Variants in STK31 observed in about 807,000 individuals in gnomAD.
STK31 encodes the protein serine/threonine-protein kinase 31.
STK31 carries 89 observed loss-of-function variants against 129.7 expected under a neutral mutation model. That is an observed-to-expected ratio of 0.69 (90% confidence interval 0.58 to 0.82). STK31 has a LOEUF of 0.82. STK31 is among the 40% of genes least tolerant of loss of function. The pLI is 0.00. For missense variants in STK31, 1,187 were observed against 1,176.4 expected (o/e 1.01, Z -0.13); for synonymous variants, 448 against 395.3 (o/e 1.13, Z -1.58).
rs955097332 is a variant in STK31, at chr7:23,786,839, C to A, written c.2402C>A (p.Ser801Tyr). ...CACATTCTCTGTTTTGCTTCTTAGTCTGATCCTATGGCTTATCTGATGGTC... is the reference window on the plus strand; with the variant it reads ...CACATTCTCTGTTTTGCTTCTTAGTATGATCCTATGGCTTATCTGATGGTC... ...LPLIFLFLCK[S>Y]DPMAYLMVPY... is the part of the protein sequence containing the mutation. The change falls in exon 20 of 24, where the codon TCT (serine) becomes TAT (tyrosine). Residue 801 changes from serine to tyrosine, a missense_variant and splice_region_variant. Around this residue, in one of 5 missense-constraint regions of STK31, gnomAD observed 975 missense variants for 934.9 expected, o/e 1.04. Coordinates refer to ENST00000355870, the MANE Select transcript of STK31 (RefSeq NM_031414.5). 9 of 1,612,680 alleles carry A rather than the reference C, an allele frequency of 5.6e-6. No individual in the cohort carries two copies. Among genetic ancestry groups the A allele is most frequent in the Non-Finnish European group, 7.6e-6 (9 of 1,179,592 alleles).
At position 23,717,577 on chromosome 7, in the gene STK31, A is replaced by G. The variant is rs1786427610; in HGVS notation, c.247A>G (p.Lys83Glu). The change falls in exon 4 of 24, where the codon AAG (lysine) becomes GAG (glutamate). Residue 83 changes from lysine (K) to glutamate (E), a missense_variant and splice_region_variant. This residue lies in a region of STK31 where 104 missense variants were observed against 98.3 expected (regional missense o/e 1.06). Coordinates refer to ENST00000355870, the MANE Select transcript of STK31 (RefSeq NM_031414.5). Reference protein sequence around the residue: ...SSVLGNLDPNKIYGGLFSEDQ... With the variant: ...SSVLGNLDPNEIYGGLFSEDQ... ...AGTTTTGGGGAATCTTGACCCAAACAAGGTGAGCCATATTCTTGAATATAA... is the reference window on the plus strand; with the variant it reads ...AGTTTTGGGGAATCTTGACCCAAACGAGGTGAGCCATATTCTTGAATATAA... 6.2e-7 allele frequency: 1 copy of G among 1,607,090 alleles called. No homozygotes were observed. Among genetic ancestry groups the G allele is most frequent in the East Asian group, 2.2e-5 (1 of 44,714 alleles).
chr7:23,713,193 C>G (rs942187131), intron 3 of STK31, among the ~76,000 whole-genome samples: 4 of 152,096 alleles, frequency 2.6e-5, no homozygotes, highest in Non-Finnish European at 5.9e-5. Flanking sequence ...ATGTGGTGTA[C>G]CTGTACCTCA....
chr7:23,766,076 TTTCTC>T (rs1490989757), intron 11 of STK31, among the ~76,000 whole-genome samples: 1 of 152,238 alleles, frequency 6.6e-6, no homozygotes, highest in African/African-American at 2.4e-5. Flanking sequence ...ATTGGAATAT[TTTCTC>T]TAAGAGTGCT....
chr7:23,790,757 A>G (rs1321761040), intron 21 of STK31, 67 bp from the exon 22 acceptor site: 7 of 1,355,558 alleles, frequency 5.2e-6, no homozygotes, highest in Non-Finnish European at 5.8e-6. Flanking sequence ...GATTAAATGC[A>G]GAGTACTTCA....
intron 23 of STK31, among the ~76,000 whole-genome samples, chr7:23,830,827 C>T (rs1327970025): frequency 6.6e-6 from 1 of 152,094 alleles, no homozygotes; most frequent in African/African-American, 2.4e-5. Flanking sequence ...ACCATGTCAG[C>T]CAGGCTGGTC....
At chr7:23,776,040 T>C (rs1413284856) in intron 15 of STK31, among the ~76,000 whole-genome samples, 1 of 90,810 alleles carries the variant, frequency 1.1e-5, no homozygotes. Flanking sequence ...TAGCAAGAAG[T>C]GTGTCAAATT....
chr7:23,753,553 A>C (rs1181451662), intron 9 of STK31, among the ~76,000 whole-genome samples: 1 of 152,264 alleles, frequency 6.6e-6, no homozygotes, highest in Non-Finnish European at 1.5e-5. Flanking sequence ...TGAAGTATGC[A>C]AGAATCATAC....
chr7:23,723,203 C>G (rs1786832945), intron 4 of STK31, among the ~76,000 whole-genome samples: 1 of 152,162 alleles, frequency 6.6e-6, no homozygotes, highest in African/African-American at 2.4e-5. Flanking sequence ...CTTGGAACCT[C>G]TCTCTCCTCT....
chr7:23,815,223 T>G lies in STK31; in HGVS notation c.2829+11T>G. The stretch of plus-strand genomic sequence containing the variant: ...GATCAGTTTCATCTGGTATGTGACC[T>G]TTTTGACATTTACTGGTTTGAAACA... On this transcript the variant is annotated intron_variant, in intron 23 of 23. Transcript: ENST00000355870. 2.1e-6 allele frequency: 3 copies of G among 1,455,790 alleles called. No individual in the cohort carries two copies. The highest frequency in any genetic ancestry group is 2.6e-5 in the South Asian group (2 of 76,386). 90.2% of individuals were successfully genotyped at this position (1,455,790 alleles called of 1,614,324 possible).
intron 5 of STK31, among the ~76,000 whole-genome samples, chr7:23,728,739 A>G (rs1041765572): frequency 1.1e-4 from 17 of 152,162 alleles, no homozygotes; most frequent in African/African-American, 4.1e-4. Context: ...TTGAAATTGA[A>G]TTGAATGTTG....
At chr7:23,769,839 G>T in intron 13 of STK31, 83 bp downstream of exon 13, 1 of 865,770 alleles carries the variant, frequency 1.2e-6, no homozygotes, top group South Asian at 1.9e-5. Context: ...ACCAATAATA[G>T]AGTTTTTCTT....
chr7:23,798,193 CT>C (rs1792120149), intron 22 of STK31, among the ~76,000 whole-genome samples: 1 of 152,194 alleles, frequency 6.6e-6, no homozygotes, highest in African/African-American at 2.4e-5. Context: ...TAGTACCATT[CT>C]TTCTGAAACT....
At chr7:23,750,067 T>TCCCTCC (rs1491409499) in intron 8 of STK31, among the ~76,000 whole-genome samples, 1 of 90,556 alleles carries the variant, frequency 1.1e-5, no homozygotes, top group Non-Finnish European at 2.3e-5. Context: ...ATGGTTTGTT[T>TCCCTCC]CCCCCCCCGC....
chr7:23,825,272 C>T (rs1035294606), intron 23 of STK31, among the ~76,000 whole-genome samples: 26 of 152,174 alleles, frequency 1.7e-4, no homozygotes, highest in Admixed American at 1.5e-3. Context: ...GCCTCAATTT[C>T]AGAGCCTGTT....
At chr7:23,715,350 GC>G (rs1403557113) in intron 3 of STK31, among the ~76,000 whole-genome samples, 1 of 151,922 alleles carries the variant, frequency 6.6e-6, no homozygotes, top group Non-Finnish European at 1.5e-5. Context: ...AGGCATGGTG[GC>G]TCATGCCTGT....
At chr7:23,801,670 G>C (rs1042940859) in intron 22 of STK31, among the ~76,000 whole-genome samples, 19 of 152,186 alleles carry the variant, frequency 1.2e-4, no homozygotes, top group African/African-American at 3.9e-4. Flanking sequence ...CTCTATAGTT[G>C]TATGGTTTAC....
intron 8 of STK31, among the ~76,000 whole-genome samples, chr7:23,741,333 C>G (rs550877753): frequency 6.6e-6 from 1 of 152,092 alleles, no homozygotes; most frequent in Admixed American, 6.5e-5. Flanking sequence ...TTGCTTTAGT[C>G]TTTGCTTCTA....
At chr7:23,806,683 G>A (rs909060621) in intron 22 of STK31, among the ~76,000 whole-genome samples, 2 of 152,006 alleles carry the variant, frequency 1.3e-5, no homozygotes, top group Non-Finnish European at 2.9e-5. Context: ...GGTGGATCAC[G>A]AGGTCAGGAG....
At chr7:23,815,069 G>A in intron 22 of STK31, 75 bp from the exon 23 acceptor site, 1 of 1,055,800 alleles carries the variant, frequency 9.5e-7, no homozygotes, top group Middle Eastern at 2.9e-4. Flanking sequence ...AGGATCTGAA[G>A]TTCCAGAGTT....
Sources: allele counts gnomAD v4.1 joint callset (sites outside exome capture counted in the v4.1 genomes callset), GRCh38; gene constraint gnomAD v4.1.1; regional missense constraint gnomAD v4.1.1; transcripts MANE v1.5; gene names NCBI Gene and HGNC (gene_info 2026-07-23, HGNC 2026-07-21).